ZFP90: variants seen among roughly 807,000 people sequenced by gnomAD.
ZFP90 encodes the protein zinc finger protein 90 homolog.
ZFP90 carries 38 observed loss-of-function variants against 60.8 expected under a neutral mutation model. The observed-to-expected ratio is 0.62, with a 90% CI of 0.48 to 0.82. The LOEUF (loss-of-function observed/expected upper bound fraction) is 0.82. Among genes scored for constraint, ZFP90 ranks in the 40% least tolerant of loss-of-function variants. The probability of loss-of-function intolerance (pLI) is 0.00; values close to 1 mark genes in which losing one functional copy is unlikely to be tolerated. For synonymous variants in ZFP90, 287 were observed against 264.8 expected, an observed-to-expected ratio of 1.08 and a Z score of -0.82; for missense variants, 711 against 759.1, an observed-to-expected ratio of 0.94 and a Z score of 0.74.
chr16:68,541,560 G>A (rs2091050151), intron 2 of ZFP90, among the ~76,000 whole-genome samples: 1 of 152,076 alleles, frequency 6.6e-6, no homozygotes, highest in Non-Finnish European at 1.5e-5. Context: ...ACCTCCCAAA[G>A]TTCTGGGATT....
At chr16:68,571,773 A>G (rs1176962090), downstream of ZFP90, among the ~76,000 whole-genome samples, 1 of 150,652 alleles carries the variant, frequency 6.6e-6, no homozygotes, top group Non-Finnish European at 1.5e-5. Flanking sequence ...ACAAAAATAA[A>G]TAATTTTTAG....
At chr16:68,542,193 G>C (rs376010952) in intron 2 of ZFP90, among the ~76,000 whole-genome samples, 3 of 152,272 alleles carry the variant, frequency 2.0e-5, no homozygotes, top group African/African-American at 4.8e-5. Flanking sequence ...CAAGAGAGCT[G>C]GTGTCAAGTG....
intron 2 of ZFP90, among the ~76,000 whole-genome samples, chr16:68,574,594 C>T (rs1315502911): frequency 6.6e-6 from 1 of 152,112 alleles, no homozygotes; most frequent in Non-Finnish European, 1.5e-5. Context: ...TCCTAGCACT[C>T]AAATCTGCTT....
downstream of ZFP90, among the ~76,000 whole-genome samples, chr16:68,567,994 A>G (rs1481670012): frequency 3.9e-5 from 6 of 152,174 alleles, no homozygotes; most frequent in African/African-American, 7.2e-5. Context: ...TCATCTGTTA[A>G]AATGCAAATG....
At chr16:68,535,583 CT>C (rs1174414361), upstream of ZFP90, 4 of 152,080 alleles carry the variant, frequency 2.6e-5, no homozygotes, top group Non-Finnish European at 5.9e-5. Flanking sequence ...TAATTGAAAA[CT>C]TTTCCCAACA....
intron 2 of ZFP90, among the ~76,000 whole-genome samples, chr16:68,556,538 A>G (rs2091347124): frequency 6.6e-6 from 1 of 152,248 alleles, no homozygotes; most frequent in African/African-American, 2.4e-5. Context: ...TGATTCATTC[A>G]GCAAGTATTT....
Position 68,564,908 on chromosome 16 carries a change from T to G in ZFP90, c.*210T>G. On this transcript the variant is annotated 3_prime_UTR_variant, in exon 5 of 5. Coordinates refer to ENST00000563169, the MANE Select transcript of ZFP90 (RefSeq NM_001305203.2). ...ACAGACTAGTGTAAAAACAGCTACA[T>G]GTATGTAGCTGGTTGGGGATGATAT... 4 of 1,322,434 alleles carry G rather than the reference T, an allele frequency of 3.0e-6. No homozygotes were observed. The highest frequency in any genetic ancestry group is 3.8e-6 in the Non-Finnish European group (4 of 1,040,576). 81.9% of individuals were successfully genotyped at this position (1,322,434 alleles called of 1,614,324 possible). A position where few individuals can be genotyped will look rare whatever the true frequency, so the allele number is the denominator to read the frequency against.
intron 2 of ZFP90, among the ~76,000 whole-genome samples, chr16:68,540,069 G>C (rs921064888): frequency 6.6e-6 from 1 of 152,344 alleles, no homozygotes; most frequent in East Asian, 1.9e-4. Flanking sequence ...GATTGGATGC[G>C]TTGGGAAGTG....
intron 2 of ZFP90, among the ~76,000 whole-genome samples, chr16:68,546,914 G>C (rs2152060351): frequency 6.6e-6 from 1 of 152,248 alleles, no homozygotes; most frequent in East Asian, 1.9e-4. Context: ...TCTTTTAAAG[G>C]CTGAATACAG....
chr16:68,540,447 A>G (rs1442111179), intron 2 of ZFP90, among the ~76,000 whole-genome samples: 1 of 152,208 alleles, frequency 6.6e-6, no homozygotes, highest in African/African-American at 2.4e-5. Flanking sequence ...CCAGAAGTCC[A>G]GCCTTCACCT....
rs117214130 is a variant in ZFP90 at position 68,566,478 on chromosome 16, G to A, written c.*1780G>A. 4 of 985,506 alleles carry A rather than the reference G, an allele frequency of 4.1e-6. No homozygotes were observed. Among genetic ancestry groups the A allele is most frequent in the Non-Finnish European group, 4.8e-6 (4 of 829,924 alleles). 61.0% of individuals were successfully genotyped at this position (985,506 alleles called of 1,614,324 possible). ...CTCTCATCATGGATGGCATGCAGCA[G>A]CACCCAAGTATTCTTCATTCTTTGC... On this transcript the variant is annotated 3_prime_UTR_variant, in exon 5 of 5. Transcript: ENST00000563169.
chr16:68,554,270 C>T (rs538413362), intron 2 of ZFP90, among the ~76,000 whole-genome samples: 13 of 151,910 alleles, frequency 8.6e-5, no homozygotes, highest in East Asian at 1.9e-4. Context: ...TACAGGCGCC[C>T]GTCACCACGC....
At chr16:68,534,933 A>T (rs1323484839), upstream of ZFP90, among the ~76,000 whole-genome samples, 1 of 152,154 alleles carries the variant, frequency 6.6e-6, no homozygotes, top group Non-Finnish European at 1.5e-5. Context: ...AATAAAATAA[A>T]TTTTTGAAAC....
downstream of ZFP90, among the ~76,000 whole-genome samples, chr16:68,570,099 C>T (rs554671825): frequency 2.6e-5 from 4 of 151,928 alleles, no homozygotes; most frequent in South Asian, 8.3e-4. Context: ...ACCTACCACT[C>T]CATTTCTTGC....
rs146740473 is a variant in ZFP90 at position 68,565,944 on chromosome 16, G to A, written c.*1246G>A. ...GTTCAAGACCAGCCTGGACAACATG[G>A]TGAAACCCCATCTCTTTAAAAAAAA... On this transcript the variant is annotated 3_prime_UTR_variant, in exon 5 of 5. Coordinates refer to ENST00000563169, the MANE Select transcript of ZFP90 (RefSeq NM_001305203.2). The A allele has an allele frequency of 6.4e-5, 51 of 791,288 alleles. No homozygotes were observed. In the African/African-American group the frequency reaches 7.4e-4, roughly 12 times the overall value. 49.0% of individuals were successfully genotyped at this position (791,288 alleles called of 1,614,324 possible). A position where few individuals can be genotyped will look rare whatever the true frequency, so the allele number is the denominator to read the frequency against.
rs888936753 is a variant in ZFP90, at chr16:68,565,130, G to T, written c.*432G>T. 1.0e-6 allele frequency: 1 copy of T among 992,550 alleles called. No homozygotes were observed. The highest frequency in any genetic ancestry group is 1.2e-6 in the Non-Finnish European group (1 of 834,556). 61.5% of individuals were successfully genotyped at this position (992,550 alleles called of 1,614,324 possible). On this transcript the variant is annotated 3_prime_UTR_variant, in exon 5 of 5. Transcript: ENST00000563169. ...TACATTAACTTCACCATGGAAACCAGTTCCAACTCCAGGAAGTCACCATTC... is the reference window on the plus strand; with the variant it reads ...TACATTAACTTCACCATGGAAACCATTTCCAACTCCAGGAAGTCACCATTC...
intron 2 of ZFP90, among the ~76,000 whole-genome samples, chr16:68,551,153 A>G (rs926540126): frequency 2.6e-5 from 4 of 152,190 alleles, no homozygotes; most frequent in Non-Finnish European, 5.9e-5. Context: ...CCTTTCTGGA[A>G]GTGCCCTTTC....
intron 2 of ZFP90, among the ~76,000 whole-genome samples, chr16:68,573,059 A>G (rs1349396731): frequency 6.6e-6 from 1 of 152,236 alleles, no homozygotes; most frequent in African/African-American, 2.4e-5. Flanking sequence ...TGATTGTCCA[A>G]ACAGGGACCC....
intron 2 of ZFP90, among the ~76,000 whole-genome samples, chr16:68,549,266 G>A (rs1243897932): frequency 6.6e-6 from 1 of 152,180 alleles, no homozygotes; most frequent in African/African-American, 2.4e-5. Flanking sequence ...ACCACCTGAG[G>A]AGCTTTTAAA....
Sources: gnomAD v4.1 joint callset for allele counts (sites outside exome capture counted in the v4.1 genomes callset) on GRCh38, gnomAD v4.1.1 for gene constraint, MANE v1.5 for transcripts, NCBI Gene and HGNC (gene_info 2026-07-23, HGNC 2026-07-21) for gene names.